The following RNH1 variants were observed in gnomAD, a reference collection of about 807,000 sequenced individuals.
RNH1 encodes the protein ribonuclease/angiogenin inhibitor 1, also known as ribonuclease inhibitor.
RNH1 carries 38 observed loss-of-function variants against 46.1 expected under a neutral mutation model. The observed-to-expected ratio is 0.82, with a 90% CI of 0.64 to 1.08. The LOEUF (loss-of-function observed/expected upper bound fraction) is 1.08. RNH1 is among the 50% of genes least tolerant of loss of function. The pLI, the probability that RNH1 is intolerant of heterozygous loss-of-function variation, is 0.00. For synonymous variants in RNH1, 319 were observed against 279.1 expected, an observed-to-expected ratio of 1.14 and a Z score of -1.43; for missense variants, 577 against 590.7, an observed-to-expected ratio of 0.98 and a Z score of 0.24.
intron 9 of RNH1, among the ~76,000 whole-genome samples, chr11:497,533 G>A (rs111237949): frequency 2.3e-5 from 3 of 127,732 alleles, no homozygotes; most frequent in South Asian, 5.4e-4. Flanking sequence ...GCTCACACAC[G>A]GACCCTCGTG....
chr11:503,900 T>C (rs962608016), intron 2 of RNH1, among the ~76,000 whole-genome samples: 2 of 152,142 alleles, frequency 1.3e-5, no homozygotes, highest in African/African-American at 2.4e-5. Flanking sequence ...CGGATCCCAC[T>C]GAGGACCCCA....
intron 9 of RNH1, among the ~76,000 whole-genome samples, chr11:495,927 G>A (rs546810538): frequency 2.0e-5 from 3 of 152,166 alleles, no homozygotes; most frequent in Non-Finnish European, 4.4e-5. Context: ...GCAAACAAAA[G>A]ACAAAACACT....
chr11:500,575 G>T lies in RNH1; in HGVS notation c.181C>A (p.Leu61Ile), dbSNP rs945894804. The change falls in exon 4 of 11, where the codon CTC becomes ATC. Residue 61 changes from leucine (L) to isoleucine (I), a missense_variant. Coordinates refer to ENST00000354420, the MANE Select transcript of RNH1 (RefSeq NM_203387.3). ...ALRVNPALAE[L>I]NLRSNELGDV... Reference sequence around the variant, plus strand: ...CCCAGCTCGTTGCTGCGCAGGTTGAGCTCTGCCAGTGCAGGGTTGACTCGA... The same window carrying T: ...CCCAGCTCGTTGCTGCGCAGGTTGATCTCTGCCAGTGCAGGGTTGACTCGA... 2.5e-6 allele frequency: 4 copies of T among 1,610,822 alleles called. No homozygotes were observed. The highest frequency in any genetic ancestry group is 3.4e-6 in the Non-Finnish European group (4 of 1,179,994).
chr11:500,312 C>T (rs1352706160), intron 4 of RNH1, 172 bp downstream of exon 4: 2 of 818,134 alleles, frequency 2.4e-6, no homozygotes, highest in Non-Finnish European at 3.8e-6. Context: ...GGCCCTGTCC[C>T]CCCCGCTGTG....
chr11:496,594 G>C (rs937839159), intron 9 of RNH1, among the ~76,000 whole-genome samples: 1 of 152,172 alleles, frequency 6.6e-6, no homozygotes, highest in African/African-American at 2.4e-5. Context: ...GCATGAACTT[G>C]GGAGGCGGAG....
Position 494,878 on chromosome 11 carries a change from C to T in RNH1, c.1298+5G>A, listed in dbSNP as rs1848902363. 6 of 1,612,028 alleles carry T rather than the reference C, an allele frequency of 3.7e-6. No individual in the cohort carries two copies. Among genetic ancestry groups the T allele is most frequent in the Non-Finnish European group, 5.1e-6 (6 of 1,179,466 alleles). On this transcript the variant is annotated splice_donor_5th_base_variant and intron_variant, in intron 10 of 10. Coordinates refer to ENST00000354420, the MANE Select transcript of RNH1 (RefSeq NM_203387.3). The stretch of plus-strand genomic sequence containing the variant: ...CCGCACCACCCGCCCAGCGCGTGCA[C>T]ATACACCAGCTGCTCCAGGAGGCAG...
At chr11:496,323 C>G (rs913259573) in intron 9 of RNH1, among the ~76,000 whole-genome samples, 1 of 152,004 alleles carries the variant, frequency 6.6e-6, no homozygotes, top group Non-Finnish European at 1.5e-5. Flanking sequence ...CACTTGAGGT[C>G]AATAGTTCAA....
chr11:504,242 G>A (rs1052564459), intron 2 of RNH1, among the ~76,000 whole-genome samples: 1 of 152,236 alleles, frequency 6.6e-6, no homozygotes, highest in African/African-American at 2.4e-5. Context: ...GCCACGCTCA[G>A]GCGACGCGCA....
Position 494,617 on chromosome 11 carries a change from G to T in RNH1, c.*74C>A. ...CAAACCTAGGATATGCAGGGTGAGA[G>T]CATGGCAGGGGCTGGTGGGCCCCAG... On this transcript the variant is annotated 3_prime_UTR_variant, in exon 11 of 11. Transcript: ENST00000354420. 1 of 1,282,228 alleles carries T rather than the reference G, an allele frequency of 7.8e-7. No homozygotes were observed. The highest frequency in any genetic ancestry group is 1.2e-5 in the South Asian group (1 of 83,994). The allele number at this position is 1,282,228 out of a possible 1,614,324, so 79.4% of individuals were successfully genotyped here.
rs1315434517 is a variant in RNH1 at position 502,869 on chromosome 11, G to A, written c.-87-620C>T. 1 of 152,698 alleles carries A rather than the reference G, an allele frequency of 6.5e-6. No homozygotes were observed. The highest frequency in any genetic ancestry group is 1.5e-5 in the Non-Finnish European group (1 of 68,424). The allele number at this position is 152,698 out of a possible 1,614,324, so 9.5% of individuals were successfully genotyped here. A position where few individuals can be genotyped will look rare whatever the true frequency, so the allele number is the denominator to read the frequency against. On this transcript the variant is annotated intron_variant, in intron 2 of 10. Transcript: ENST00000354420. The surrounding 1 kb of genome is among the most constrained non-coding windows in gnomAD (Gnocchi z 5.8). ...GCCCAGAGGCTGGGCTACCAGGCAAGCTGGGTGGGTCAGCCTGGGATGGGC... is the reference window on the plus strand; with the variant it reads ...GCCCAGAGGCTGGGCTACCAGGCAAACTGGGTGGGTCAGCCTGGGATGGGC...
intron 2 of RNH1, chr11:503,646 CAG>C (rs1849958730): frequency 6.6e-6 from 1 of 152,374 alleles, no homozygotes; most frequent in Non-Finnish European, 1.5e-5. Context: ...AGGAGAGCCT[CAG>C]GGGGCTGCCC....
intron 3 of RNH1, chr11:500,919 G>A (rs1275763068): frequency 7.2e-6 from 4 of 552,858 alleles, no homozygotes; most frequent in Non-Finnish European, 1.3e-5. Context: ...ACCTGAGGTC[G>A]GGAGTTCAAG....
rs1003905857 is a variant in RNH1 at position 502,243 on chromosome 11, G to A, written c.-81C>T. The A allele has an allele frequency of 1.1e-5, 13 of 1,154,058 alleles. No individual in the cohort carries two copies. Among genetic ancestry groups the A allele is most frequent in the African/African-American group, 3.1e-5 (2 of 65,432 alleles). 71.5% of individuals were successfully genotyped at this position (1,154,058 alleles called of 1,614,324 possible). ...GAATCCCCTCACAGTTTCACAGGCC[G>A]GAGATTCTGCAAACAGGACCCACAG... is the stretch of plus-strand genomic sequence containing the variant. On this transcript the variant is annotated 5_prime_UTR_variant, in exon 3 of 11. Coordinates refer to ENST00000354420, the MANE Select transcript of RNH1 (RefSeq NM_203387.3). The surrounding 1 kb of genome is among the most constrained non-coding windows in gnomAD (Gnocchi z 5.8).
In RNH1 at chr11:494,920, T is replaced by G. The variant is rs761958094; in HGVS notation, c.1261A>C (p.Ser421Arg). The G allele has an allele frequency of 1.1e-5, 18 of 1,610,718 alleles. No homozygotes were observed. Among genetic ancestry groups the G allele is most frequent in the South Asian group, 7.7e-5 (7 of 90,790 alleles). ...GDAGILQLVE[S>R]VRQPGCLLEQ... is the part of the protein sequence containing the mutation. ...AGGAGGCAGCCCGGCTGCCGGACGCTCTCCACCAGCTGCAGGATGCCGGCG... is the reference window on the plus strand; with the variant it reads ...AGGAGGCAGCCCGGCTGCCGGACGCGCTCCACCAGCTGCAGGATGCCGGCG... Residue 421 changes from serine to arginine, a missense_variant, in exon 10 of 11, where the codon AGC (serine) becomes CGC (arginine). Coordinates refer to ENST00000354420, the MANE Select transcript of RNH1 (RefSeq NM_203387.3).
rs202159454 is a variant in RNH1 at position 499,877 on chromosome 11, A to G, written c.395T>C (p.Leu132Pro). The G allele has an allele frequency of 4.3e-6, 7 of 1,613,164 alleles. No homozygotes were observed. Among genetic ancestry groups the G allele is most frequent in the South Asian group, 1.1e-5 (1 of 91,056 alleles). ...DNLLGDAGLQ[L>P]LCEGLLDPQC... ...GGGGTCCAGGAGTCCTTCGCAGAGC[A>G]GCTGCAGGCCCGCATCCCCCAAGAG... The change falls in exon 5 of 11, where the codon CTG (leucine) becomes CCG (proline). Residue 132 changes from leucine to proline, a missense_variant. Transcript: ENST00000354420.
chr11:499,646 T>C (rs1469202593), intron 5 of RNH1, 183 bp downstream of exon 5: 1 of 762,932 alleles, frequency 1.3e-6, no homozygotes. Flanking sequence ...AGCCCCAGCA[T>C]CATGGGGAGA....
intron 6 of RNH1, 29 bp downstream of exon 6, chr11:498,986 C>T: frequency 1.2e-6 from 2 of 1,611,926 alleles, no homozygotes; most frequent in Non-Finnish European, 1.7e-6. Flanking sequence ...TAGCCCACAC[C>T]CCGCACCCCC....
intron 9 of RNH1, among the ~76,000 whole-genome samples, chr11:497,121 G>T (rs910855539): frequency 1.5e-5 from 2 of 135,776 alleles, no homozygotes; most frequent in South Asian, 4.8e-4. Flanking sequence ...GTGCTCACTC[G>T]CCCATGTGCT....
chr11:498,998 CA>C lies in RNH1; in HGVS notation c.614+16del, dbSNP rs751820505. The stretch of plus-strand genomic sequence containing the variant: ...CCCTAGCCCACACCCCGCACCCCCC[CA>C]AGGCCCAGTGCCTACTTGAGCGCCT... On this transcript the variant is annotated intron_variant, in intron 6 of 10. Coordinates refer to ENST00000354420, the MANE Select transcript of RNH1 (RefSeq NM_203387.3). 57 of 1,612,492 alleles carry C rather than the reference CA, an allele frequency of 3.5e-5. No homozygotes were observed. The Middle Eastern group carries it at 4.9e-4, about 14-fold the overall frequency.
Sources: allele counts gnomAD v4.1 joint callset (sites outside exome capture counted in the v4.1 genomes callset), GRCh38; gene constraint gnomAD v4.1.1; non-coding constraint Gnocchi (gnomAD v3.1); transcripts MANE v1.5; gene names NCBI Gene and HGNC (gene_info 2026-07-23, HGNC 2026-07-21).